CDKAL1: variants seen among roughly 807,000 people sequenced by gnomAD.
CDKAL1 encodes CDKAL1 threonylcarbamoyladenosine tRNA methylthiotransferase, also known as threonylcarbamoyladenosine tRNA methylthiotransferase.
In CDKAL1, 32 loss-of-function variants were observed where a neutral mutation model predicts 68.2. The observed-to-expected ratio is 0.47, with a 90% CI of 0.35 to 0.63. CDKAL1 has a LOEUF of 0.63. Ranked by LOEUF, CDKAL1 falls within the 30% of genes least tolerant of loss-of-function variation. The pLI is 0.00. For synonymous variants in CDKAL1, 234 were observed against 244.3 expected (o/e 0.96, Z 0.39); for missense variants, 606 against 696.7 (o/e 0.87, Z 1.47).
chr6:21,013,850 C>T (rs1446624278), intron 11 of CDKAL1, among the ~76,000 whole-genome samples: 3 of 152,094 alleles, frequency 2.0e-5, no homozygotes, highest in Admixed American at 6.5e-5. Context: ...AAACATAAAA[C>T]AGTGTCTCAG....
intron 13 of CDKAL1, among the ~76,000 whole-genome samples, chr6:21,158,869 T>G (rs950622309): frequency 2.0e-5 from 3 of 152,198 alleles, no homozygotes; most frequent in African/African-American, 7.2e-5. Flanking sequence ...ACTTCTAACC[T>G]TTTTTTCAGT....
chr6:21,071,815 C>G (rs1771781954), intron 12 of CDKAL1, among the ~76,000 whole-genome samples: 1 of 152,132 alleles, frequency 6.6e-6, no homozygotes, highest in Non-Finnish European at 1.5e-5. Context: ...CTGTTTTTCA[C>G]TCTTTCTGAT....
intron 13 of CDKAL1, among the ~76,000 whole-genome samples, chr6:21,150,625 G>A: frequency 6.6e-6 from 1 of 152,162 alleles, no homozygotes; most frequent in Non-Finnish European, 1.5e-5. Context: ...GTGACCTTGG[G>A]ATTGATCAGA....
chr6:21,214,936 C>A (rs1345972380), intron 15 of CDKAL1, among the ~76,000 whole-genome samples: 1 of 151,958 alleles, frequency 6.6e-6, no homozygotes, highest in Non-Finnish European at 1.5e-5. Flanking sequence ...ATATGTATAC[C>A]CCTTACTGAA....
At chr6:21,052,220 C>T (rs1412000363) in intron 11 of CDKAL1, among the ~76,000 whole-genome samples, 1 of 152,158 alleles carries the variant, frequency 6.6e-6, no homozygotes, top group Non-Finnish European at 1.5e-5. Context: ...TAGAATGATT[C>T]CCTATTGTTA....
At chr6:20,550,861 T>A (rs1763792222) in intron 4 of CDKAL1, among the ~76,000 whole-genome samples, 4 of 50,982 alleles carry the variant, frequency 7.8e-5, no homozygotes, top group African/African-American at 7.2e-4. Context: ...AGGTTGTGTC[T>A]TTTTTTTTTT....
chr6:21,186,041 G>C (rs1260676965), intron 13 of CDKAL1, among the ~76,000 whole-genome samples: 11 of 151,858 alleles, frequency 7.2e-5, no homozygotes, highest in Admixed American at 7.2e-4. Context: ...CGGGCTCTCA[G>C]GGTCTCCCGG....
chr6:20,912,364 A>T (rs1762504585), intron 9 of CDKAL1, among the ~76,000 whole-genome samples: 1 of 152,088 alleles, frequency 6.6e-6, no homozygotes, highest in African/African-American at 2.4e-5. Context: ...ACTCTCTTGA[A>T]ATGAAGTTGG....
At chr6:20,905,080 A>G (rs1347748248) in intron 9 of CDKAL1, among the ~76,000 whole-genome samples, 1 of 152,236 alleles carries the variant, frequency 6.6e-6, no homozygotes, top group Non-Finnish European at 1.5e-5. Context: ...TCCCACTGAA[A>G]GGAAAAAATA....
intron 13 of CDKAL1, among the ~76,000 whole-genome samples, chr6:21,192,031 T>TTTTTTC (rs1562104946): frequency 1.9e-4 from 22 of 116,098 alleles, no homozygotes; most frequent in African/African-American, 7.4e-4. Flanking sequence ...TTTTTTTTTT[T>TTTTTTC]TGAGACGGAG....
intron 15 of CDKAL1, among the ~76,000 whole-genome samples, chr6:21,203,615 C>T (rs1057129494): frequency 1.3e-5 from 2 of 151,288 alleles, no homozygotes; most frequent in South Asian, 2.1e-4. Context: ...AGGCCTCAAA[C>T]GGTCCTCCCA....
At chr6:20,716,457 G>A (rs1772098659) in intron 5 of CDKAL1, among the ~76,000 whole-genome samples, 1 of 152,126 alleles carries the variant, frequency 6.6e-6, no homozygotes, top group Admixed American at 6.6e-5. Flanking sequence ...GCTTGGATGA[G>A]TGTGGTGCCA....
At chr6:20,880,950 G>A (rs963391447) in intron 9 of CDKAL1, among the ~76,000 whole-genome samples, 2 of 152,184 alleles carry the variant, frequency 1.3e-5, no homozygotes, top group Non-Finnish European at 2.9e-5. Context: ...GAAGATTAGG[G>A]AAGTCATCCA....
intron 9 of CDKAL1, among the ~76,000 whole-genome samples, chr6:20,946,220 G>A (rs1266603170): frequency 2.0e-5 from 3 of 152,038 alleles, no homozygotes; most frequent in African/African-American, 4.8e-5. Context: ...TTCTCACCAC[G>A]AAACTCTCAC....
At chr6:20,839,123 T>C (rs934779490) in intron 8 of CDKAL1, among the ~76,000 whole-genome samples, 3 of 152,170 alleles carry the variant, frequency 2.0e-5, no homozygotes, top group Non-Finnish European at 2.9e-5. Context: ...TTTCCCCCTG[T>C]ACATCTTTAA....
At chr6:21,013,971 G>A (rs928259135) in intron 11 of CDKAL1, among the ~76,000 whole-genome samples, 1 of 152,158 alleles carries the variant, frequency 6.6e-6, no homozygotes, top group African/African-American at 2.4e-5. Flanking sequence ...CAATGACTCA[G>A]GATTCTGTCC....
intron 11 of CDKAL1, among the ~76,000 whole-genome samples, chr6:21,060,853 A>T (rs578207617): frequency 2.0e-5 from 3 of 152,278 alleles, no homozygotes; most frequent in Admixed American, 6.5e-5. Context: ...TAATTTTGGT[A>T]GGTCTAGTCC....
intron 4 of CDKAL1, among the ~76,000 whole-genome samples, chr6:20,648,408 G>T (rs1363731867): frequency 6.6e-6 from 1 of 152,122 alleles, no homozygotes; most frequent in Admixed American, 6.5e-5. Context: ...GATTACGGGA[G>T]TGAGCCACTG....
At chr6:20,824,553 C>T (rs1314256532) in intron 8 of CDKAL1, among the ~76,000 whole-genome samples, 7 of 152,148 alleles carry the variant, frequency 4.6e-5, no homozygotes, top group Non-Finnish European at 2.9e-5. Context: ...CAATCAGAGG[C>T]CACCCTTAGT....
Sources: allele counts gnomAD v4.1 joint callset (sites outside exome capture counted in the v4.1 genomes callset), GRCh38; gene constraint gnomAD v4.1.1; transcripts MANE v1.5; gene names NCBI Gene and HGNC (gene_info 2026-07-23, HGNC 2026-07-21).